DOCK3: variants seen among roughly 807,000 people sequenced by gnomAD.
DOCK3 encodes the protein dedicator of cytokinesis protein 3.
Under a neutral mutation model 265.6 loss-of-function variants are expected in DOCK3, and 60 were observed. The ratio of observed to expected loss-of-function variants is 0.23; its 90% CI spans 0.18 to 0.28. DOCK3 has a LOEUF of 0.28. Among genes scored for constraint, DOCK3 ranks in the 10% least tolerant of loss-of-function variants. The pLI is 1.00. For synonymous variants in DOCK3, 881 were observed against 938.0 expected (o/e 0.94, Z 1.11); for missense variants, 1,981 against 2,594.3 (o/e 0.76, Z 5.14).
intron 24 of DOCK3, among the ~76,000 whole-genome samples, chr3:51,271,951 A>AT (rs2080524993): frequency 6.6e-6 from 1 of 152,130 alleles, no homozygotes; most frequent in East Asian, 1.9e-4. Flanking sequence ...TCTTTGGAGA[A>AT]CCAACAAGGA....
chr3:50,837,443 G>A (rs2045575809), intron 2 of DOCK3, among the ~76,000 whole-genome samples: 1 of 152,198 alleles, frequency 6.6e-6, no homozygotes, highest in Non-Finnish European at 1.5e-5. Flanking sequence ...TGAGAGAAGT[G>A]CTGAACAAAG....
chr3:51,331,142 G>A (rs1378334505), intron 33 of DOCK3, among the ~76,000 whole-genome samples: 1 of 152,194 alleles, frequency 6.6e-6, no homozygotes, highest in African/African-American at 2.4e-5. Context: ...GTGCCAGCCT[G>A]CACTCAGTTG....
chr3:51,127,018 A>G (rs1265588146), intron 9 of DOCK3, among the ~76,000 whole-genome samples: 1 of 152,142 alleles, frequency 6.6e-6, no homozygotes, highest in Non-Finnish European at 1.5e-5. Flanking sequence ...ACAATAGGCC[A>G]TGCGCAGGCT....
chr3:51,156,101 CATT>C (rs1247282704), intron 10 of DOCK3, among the ~76,000 whole-genome samples: 2 of 152,050 alleles, frequency 1.3e-5, no homozygotes, highest in Non-Finnish European at 2.9e-5. Flanking sequence ...ACTATAATAA[CATT>C]ATGTATTAAA....
At chr3:51,150,482 A>G (rs1477495168) in intron 10 of DOCK3, among the ~76,000 whole-genome samples, 1 of 152,216 alleles carries the variant, frequency 6.6e-6, no homozygotes, top group Non-Finnish European at 1.5e-5. Context: ...TTAGTGCTAT[A>G]CATTTCCCTC....
chr3:50,904,329 A>G (rs146383302), intron 4 of DOCK3, among the ~76,000 whole-genome samples: 73 of 152,346 alleles, frequency 4.8e-4, no homozygotes, highest in African/African-American at 1.7e-3. Flanking sequence ...ATCCTTGAGG[A>G]ATCGCTACGC....
Position 51,381,745 on chromosome 3 carries a change from G to A in DOCK3, c.*186G>A. On this transcript the variant is annotated 3_prime_UTR_variant, in exon 53 of 53. Coordinates refer to ENST00000266037, the MANE Select transcript of DOCK3 (RefSeq NM_004947.5). This position sits in a 1 kb window ranked among gnomAD's most constrained non-coding sequence, Gnocchi z 5.6. ...GTTGCCATGTACAGAGGCCACAGCAGCATGAAGGGTTGTGGCTTCCCTTTT... is the reference window on the plus strand; with the variant it reads ...GTTGCCATGTACAGAGGCCACAGCAACATGAAGGGTTGTGGCTTCCCTTTT... 2 of 665,790 alleles carry A rather than the reference G, an allele frequency of 3.0e-6. No homozygotes were observed. Among genetic ancestry groups the A allele is most frequent in the Non-Finnish European group, 4.6e-6 (2 of 439,354 alleles). The allele number at this position is 665,790 out of a possible 1,614,324, so 41.2% of individuals were successfully genotyped here.
At chr3:51,368,069 A>G (rs1464222813) in intron 49 of DOCK3, among the ~76,000 whole-genome samples, 1 of 152,186 alleles carries the variant, frequency 6.6e-6, no homozygotes, top group Non-Finnish European at 1.5e-5. Context: ...TCTCCTGGAT[A>G]ATATCCTGAA....
intron 4 of DOCK3, chr3:50,900,588 T>G (rs1436421898): frequency 2.7e-6 from 1 of 364,076 alleles, no homozygotes; most frequent in Non-Finnish European, 5.3e-6. Flanking sequence ...CTTTTTATGC[T>G]GGTTTTTCCT....
intron 2 of DOCK3, chr3:50,788,162 T>C (rs1326534010): frequency 1.9e-5 from 14 of 754,954 alleles, no homozygotes. Flanking sequence ...GTCAAGTTCC[T>C]TGTGGCACCA....
rs2078413506 is a variant in DOCK3, at chr3:50,999,877, A to T, written c.316-64571A>T. 2.0e-5 allele frequency among the ~76,000 whole-genome samples: 3 copies of T among 152,182 alleles called. No individual in the cohort carries two copies. The South Asian group carries it at 6.2e-4, about 31-fold the overall frequency. ...GTTTCTTCAGCTTGGGTTCATCTAT[A>T]ATTTTAACAGATTTCATTGAATGCC... On this transcript the variant is annotated intron_variant, in intron 5 of 52. Coordinates refer to ENST00000266037, the MANE Select transcript of DOCK3 (RefSeq NM_004947.5).
At chr3:50,705,997 C>T (rs2036387240) in intron 1 of DOCK3, among the ~76,000 whole-genome samples, 1 of 151,844 alleles carries the variant, frequency 6.6e-6, no homozygotes, top group East Asian at 1.9e-4. Context: ...TACCACTGCA[C>T]TCCAACCTGA....
At chr3:51,041,280 C>T (rs548311038) in intron 5 of DOCK3, among the ~76,000 whole-genome samples, 9 of 122,592 alleles carry the variant, frequency 7.3e-5, no homozygotes, top group Middle Eastern at 8.2e-3. Context: ...TGCGGTGGTG[C>T]GATCTTGGCT....
At chr3:50,946,883 G>C (rs145398942) in intron 5 of DOCK3, among the ~76,000 whole-genome samples, 208 of 152,252 alleles carry the variant, frequency 1.4e-3, no homozygotes, top group African/African-American at 4.8e-3. Context: ...TTTTATTCCA[G>C]GGATGTCAGG....
chr3:51,276,954 T>C (rs1242252606), intron 25 of DOCK3, among the ~76,000 whole-genome samples: 1 of 152,184 alleles, frequency 6.6e-6, no homozygotes, highest in Non-Finnish European at 1.5e-5. Context: ...ACATGCTCCA[T>C]TGTTTTTGTG....
At chr3:50,684,785 C>A (rs1041615967) in intron 1 of DOCK3, among the ~76,000 whole-genome samples, 2 of 152,130 alleles carry the variant, frequency 1.3e-5, no homozygotes, top group African/African-American at 4.8e-5. Context: ...TTGTCTATTT[C>A]TGTTAGAATT....
intron 1 of DOCK3, among the ~76,000 whole-genome samples, chr3:50,706,999 G>T (rs943892446): frequency 1.3e-5 from 2 of 152,066 alleles, no homozygotes; most frequent in African/African-American, 4.8e-5. Context: ...GTGAGTTGTT[G>T]TGAGATCTGG....
At chr3:51,102,906 A>G (rs1414633865) in intron 9 of DOCK3, among the ~76,000 whole-genome samples, 6 of 152,180 alleles carry the variant, frequency 3.9e-5, no homozygotes, top group Admixed American at 2.0e-4. Flanking sequence ...CTGAGAAGGA[A>G]TGCTCCAAAT....
chr3:51,036,129 C>G (rs1022464067), intron 5 of DOCK3, among the ~76,000 whole-genome samples: 1 of 152,170 alleles, frequency 6.6e-6, no homozygotes, highest in Non-Finnish European at 1.5e-5. Context: ...GCTCCATACT[C>G]CCTTCCAAAA....
Sources: allele counts gnomAD v4.1 joint callset (sites outside exome capture counted in the v4.1 genomes callset), GRCh38; gene constraint gnomAD v4.1.1; non-coding constraint Gnocchi (gnomAD v3.1); transcripts MANE v1.5; gene names NCBI Gene and HGNC (gene_info 2026-07-23, HGNC 2026-07-21).